The following FGD4 variants were observed in gnomAD, a reference collection of about 807,000 sequenced individuals.
FGD4 encodes the protein FYVE, RhoGEF and PH domain containing 4, also known as FYVE, RhoGEF and PH domain-containing protein 4.
Under a neutral mutation model 102.0 loss-of-function variants are expected in FGD4, and 42 were observed. The observed-to-expected ratio is 0.41, with a 90% CI of 0.32 to 0.53. FGD4 has a LOEUF of 0.53. FGD4 is among the 20% of genes least tolerant of loss of function. The pLI is 0.21. For missense variants in FGD4, 902 were observed against 1,078.2 expected, an observed-to-expected ratio of 0.84 and a Z score of 2.29; for synonymous variants, 380 against 375.7, an observed-to-expected ratio of 1.01 and a Z score of -0.13.
chr12:32,602,417 A>G, intron 7 of FGD4, 100 bp downstream of exon 7: 1 of 1,401,664 alleles, frequency 7.1e-7, no homozygotes, highest in Non-Finnish European at 1.0e-6. Context: ...TGTCTGAGAT[A>G]CCTAGCCAAA....
rs1471839930 is a variant in FGD4 at position 32,399,824 on chromosome 12, C to T, written c.31C>T (p.Arg11Trp). The change falls in exon 1 of 17, where the codon CGG becomes TGG. Residue 11 changes from arginine to tryptophan, a missense_variant. Coordinates refer to ENST00000534526, the MANE Select transcript of FGD4 (RefSeq NM_001370298.3). MSDEGGSNFR[R>W]VAIRRKSNPS... ...CGACGAGGGCGGCTCCAACTTCAGGCGGGTGGCGATCCGGCGGAAGTCCAA... is the reference window on the plus strand; with the variant it reads ...CGACGAGGGCGGCTCCAACTTCAGGTGGGTGGCGATCCGGCGGAAGTCCAA... 6.5e-6 allele frequency: 10 copies of T among 1,531,286 alleles called. No homozygotes were observed. The highest frequency in any genetic ancestry group is 7.0e-6 in the Non-Finnish European group (8 of 1,145,384). 94.9% of individuals were successfully genotyped at this position (1,531,286 alleles called of 1,614,324 possible).
In FGD4 at chr12:32,502,258, C is replaced by T. The variant is rs971762069; in HGVS notation, c.167-61879C>T. 5 of 985,236 alleles carry T rather than the reference C, an allele frequency of 5.1e-6. No individual in the cohort carries two copies. The South Asian group carries it at 2.3e-4, about 46-fold the overall frequency. The allele number at this position is 985,236 out of a possible 1,614,324, so 61.0% of individuals were successfully genotyped here. On this transcript the variant is annotated intron_variant, in intron 1 of 16. Coordinates refer to ENST00000534526, the MANE Select transcript of FGD4 (RefSeq NM_001370298.3). ...GGTTAATGGGAGGCTTGCTTTGGCT[C>T]GCTGGAAGAACAAATGAAGGGAGTT...
At chr12:32,500,965 T>C (rs1938176981) in intron 1 of FGD4, among the ~76,000 whole-genome samples, 1 of 152,222 alleles carries the variant, frequency 6.6e-6, no homozygotes, top group African/African-American at 2.4e-5. Context: ...GTGCTCACAG[T>C]CTGAAGGAGA....
At chr12:32,624,801 T>C in intron 12 of FGD4, 175 bp from the exon 13 acceptor site, 2 of 659,808 alleles carry the variant, frequency 3.0e-6, no homozygotes, top group Non-Finnish European at 5.4e-6. Context: ...TTTAGTAACA[T>C]CTCTGTGTAT....
Position 32,491,142 on chromosome 12 carries a change from A to AAAC in FGD4, c.167-72993_167-72992insCAA, listed in dbSNP as rs1555188020. The stretch of plus-strand genomic sequence containing the variant: ...ATACCTTCTGCCAGTTAAAAAAAAA[A>AAAC]AAAAAAAACAAAAAACTATAAAATT... On this transcript the variant is annotated intron_variant, in intron 1 of 16. Transcript: ENST00000534526. Among the ~76,000 whole-genome samples the AAAC allele has an allele frequency of 1.8e-4, 27 of 150,896 alleles. No homozygotes were observed. The East Asian group carries it at 4.1e-3, about 23-fold the overall frequency.
At chr12:32,602,037 C>A in intron 6 of FGD4, 124 bp from the exon 7 acceptor site, 1 of 809,350 alleles carries the variant, frequency 1.2e-6, no homozygotes, top group Non-Finnish European at 2.0e-6. Flanking sequence ...ATTGATTGAA[C>A]CTGGGAGGTC....
intron 4 of FGD4, among the ~76,000 whole-genome samples, chr12:32,594,320 T>C (rs1173609960): frequency 2.0e-5 from 3 of 152,168 alleles, no homozygotes; most frequent in Admixed American, 1.3e-4. Flanking sequence ...GAACTGCACA[T>C]GCGAGGGATC....
At chr12:32,568,029 A>T (rs904995809) in intron 2 of FGD4, among the ~76,000 whole-genome samples, 1 of 152,186 alleles carries the variant, frequency 6.6e-6, no homozygotes, top group Non-Finnish European at 1.5e-5. Context: ...GCACATCTTT[A>T]TTAGTGGTGA....
At chr12:32,607,920 T>C in intron 7 of FGD4, 37 bp from the exon 8 acceptor site, 4 of 1,613,706 alleles carry the variant, frequency 2.5e-6, no homozygotes, top group Non-Finnish European at 3.4e-6. Context: ...GCTAACCTAA[T>C]TTTTAAATGT....
intron 4 of FGD4, among the ~76,000 whole-genome samples, chr12:32,591,177 A>G (rs965096967): frequency 8.5e-5 from 13 of 152,188 alleles, no homozygotes; most frequent in Non-Finnish European, 1.8e-4. Flanking sequence ...ATAGAAGAAT[A>G]TAATTATCTA....
chr12:32,602,069 A>G, intron 6 of FGD4, 92 bp from the exon 7 acceptor site: 1 of 1,150,600 alleles, frequency 8.7e-7, no homozygotes, highest in Non-Finnish European at 1.3e-6. Flanking sequence ...GAGCTGTGAT[A>G]ATGCCACTGC....
rs963994550 is a variant in FGD4, at chr12:32,625,513, G to A, written c.2047-141G>A. ...TTGAACTACTGACTTCAGGTGATCC[G>A]CCTGCCTCAGCTTCCGAAAGTGCTG... is the stretch of plus-strand genomic sequence containing the variant. On this transcript the variant is annotated intron_variant, in intron 13 of 16. Coordinates refer to ENST00000534526, the MANE Select transcript of FGD4 (RefSeq NM_001370298.3). 133 of 1,023,034 alleles carry A rather than the reference G, an allele frequency of 1.3e-4. 3 individuals are homozygous for A. Among genetic ancestry groups the A allele is most frequent in the South Asian group, 1.2e-3 (79 of 67,478 alleles). 63.4% of individuals were successfully genotyped at this position (1,023,034 alleles called of 1,614,324 possible). A position where few individuals can be genotyped will look rare whatever the true frequency, so the allele number is the denominator to read the frequency against.
intron 4 of FGD4, among the ~76,000 whole-genome samples, chr12:32,585,884 TTG>T (rs1258922301): frequency 6.8e-6 from 1 of 146,206 alleles, no homozygotes; most frequent in Non-Finnish European, 1.5e-5. Context: ...GAAGGAGCAG[TTG>T]TGCCCCAGGA....
intron 1 of FGD4, among the ~76,000 whole-genome samples, chr12:32,547,906 A>C (rs1031159520): frequency 6.6e-6 from 1 of 152,094 alleles, no homozygotes; most frequent in Non-Finnish European, 1.5e-5. Flanking sequence ...GGGTTTTACC[A>C]TGTTGGCCAG....
chr12:32,597,037 A>T (rs539298243), intron 4 of FGD4, among the ~76,000 whole-genome samples: 1 of 152,318 alleles, frequency 6.6e-6, no homozygotes, highest in South Asian at 2.1e-4. Context: ...AAAGATTTCC[A>T]CAAAACAACT....
At chr12:32,479,453 C>T (rs1018640116) in intron 1 of FGD4, among the ~76,000 whole-genome samples, 8 of 151,926 alleles carry the variant, frequency 5.3e-5, no homozygotes, top group African/African-American at 1.9e-4. Flanking sequence ...CCTCAGCCTC[C>T]CATGAATTCT....
Position 32,399,936 on chromosome 12 carries a change from G to A in FGD4, c.143G>A (p.Gly48Asp). 6.6e-7 allele frequency: 1 copy of A among 1,504,540 alleles called. No individual in the cohort carries two copies. Among genetic ancestry groups the A allele is most frequent in the East Asian group, 2.7e-5 (1 of 37,702 alleles). 93.2% of individuals were successfully genotyped at this position (1,504,540 alleles called of 1,614,324 possible). The change falls in exon 1 of 17, where the codon GGC (glycine) becomes GAC (aspartate). Residue 48 changes from glycine (G) to aspartate (D), a missense_variant. By Grantham distance (94) the Gly-to-Asp change is moderately conservative (BLOSUM62 -1). Around this residue, in one of 2 missense-constraint regions of FGD4, gnomAD observed 443 missense variants for 459.2 expected, o/e 0.96. Coordinates refer to ENST00000534526, the MANE Select transcript of FGD4 (RefSeq NM_001370298.3). ...CGTGTAGGGACCGCTGCCTTCAAGG[G>A]CCAGGTGCCCTCAGGAGCCACAGGT... ...LGRVGTAAFKGQVPSGATGSS... is the reference protein window; with the variant it reads ...LGRVGTAAFKDQVPSGATGSS...
chr12:32,601,218 A>G, intron 5 of FGD4, 60 bp from the exon 6 acceptor site: 3 of 1,562,772 alleles, frequency 1.9e-6, no homozygotes, highest in South Asian at 2.3e-5. Flanking sequence ...TGTGCCTAGC[A>G]CAGTGCTAGG....
In FGD4 at chr12:32,626,276, CTT is replaced by C. The variant is rs1221773256; in HGVS notation, c.2172+499_2172+500del. 5.9e-5 allele frequency among the ~76,000 whole-genome samples: 9 copies of C among 152,236 alleles called. 1 individual carries two copies. The highest frequency in any genetic ancestry group is 2.2e-4 in the African/African-American group (9 of 41,540). On this transcript the variant is annotated intron_variant, in intron 14 of 16. Transcript: ENST00000534526. The stretch of plus-strand genomic sequence containing the variant: ...CCTGACCAACATGGTGAAATCCCGT[CTT>C]TACTAAAAATACAAAATTAGCCAGG...
Sources: allele counts gnomAD v4.1 joint callset (sites outside exome capture counted in the v4.1 genomes callset), GRCh38; gene constraint gnomAD v4.1.1; regional missense constraint gnomAD v4.1.1; transcripts MANE v1.5; gene names NCBI Gene and HGNC (gene_info 2026-07-23, HGNC 2026-07-21).